RELN: variants seen among roughly 807,000 people sequenced by gnomAD.
RELN encodes reelin.
A neutral mutation model predicts 427.6 loss-of-function variants in RELN; 108 were observed. That is an observed-to-expected ratio of 0.25 (90% CI 0.22 to 0.30). The LOEUF is 0.30. Among genes scored for constraint, RELN ranks in the 10% least tolerant of loss-of-function variants. RELN has a pLI of 1.00. For synonymous variants in RELN, 1,524 were observed against 1,513.4 expected (o/e 1.01, Z -0.16); for missense variants, 3,715 against 4,302.8 (o/e 0.86, Z 3.82).
In RELN at chr7:103,874,590, G is replaced by A. The variant is rs1009936830; in HGVS notation, c.338-40918C>T. Among the ~76,000 whole-genome samples, 75 of 145,644 alleles carry A rather than the reference G, an allele frequency of 5.1e-4. 5 individuals carry two copies. Among genetic ancestry groups the A allele is most frequent in the Non-Finnish European group, 1.0e-3 (69 of 65,714 alleles). On this transcript the variant is annotated intron_variant, in intron 2 of 64. Transcript: ENST00000428762. The stretch of plus-strand genomic sequence containing the variant: ...AGACAAACAGAGAGCCAAATTATGA[G>A]TGAACTCCCATTCACAATTGCTTCA...
At chr7:103,914,312 T>C (rs542890381) in intron 2 of RELN, among the ~76,000 whole-genome samples, 2 of 152,038 alleles carry the variant, frequency 1.3e-5, no homozygotes, top group Non-Finnish European at 2.9e-5. Context: ...AACTGACAAA[T>C]GACAGTTTGT....
At chr7:103,677,445 AT>A (rs1833559806) in intron 11 of RELN, among the ~76,000 whole-genome samples, 3 of 146,268 alleles carry the variant, frequency 2.1e-5, no homozygotes, top group Admixed American at 6.9e-5. Flanking sequence ...AATAATAATA[AT>A]AATAATAAAA....
At chr7:103,774,522 G>T (rs995376395) in intron 4 of RELN, among the ~76,000 whole-genome samples, 12 of 152,198 alleles carry the variant, frequency 7.9e-5, no homozygotes, top group African/African-American at 2.2e-4. Flanking sequence ...CATACTGAGC[G>T]TGTTAAAATG....
chr7:103,721,537 A>G (rs1790077576), intron 8 of RELN, among the ~76,000 whole-genome samples: 3 of 152,182 alleles, frequency 2.0e-5, no homozygotes, highest in South Asian at 4.1e-4. Flanking sequence ...TACAAATGAA[A>G]GGCAAGGAAA....
Position 103,603,408 on chromosome 7 carries a change from T to C in RELN, c.3229A>G (p.Asn1077Asp). Residue 1077 changes from asparagine to aspartate, a missense_variant, in exon 24 of 65, where the codon AAT becomes GAT. Physicochemically the swap from Asn to Asp is conservative, Grantham distance 23. Coordinates refer to ENST00000428762, the MANE Select transcript of RELN (RefSeq NM_005045.4). This position sits in a 1 kb window ranked among gnomAD's most constrained non-coding sequence, Gnocchi z 4.3. ...STIMSDFENQ[N>D]GWESDWQEVI... is the part of the protein sequence containing the mutation. Reference sequence around the variant, plus strand: ...TCTTGCCAGTCAGACTCCCAGCCATTCTGGTTCTCAAAATCTGACATAATT... The same window carrying C: ...TCTTGCCAGTCAGACTCCCAGCCATCCTGGTTCTCAAAATCTGACATAATT... 6.2e-7 allele frequency: 1 copy of C among 1,613,844 alleles called. No individual in the cohort carries two copies. Among genetic ancestry groups the C allele is most frequent in the Non-Finnish European group, 8.5e-7 (1 of 1,179,822 alleles).
chr7:103,634,008 C>T lies in RELN; in HGVS notation c.2465+1417G>A, dbSNP rs1340245247. 2.0e-5 allele frequency among the ~76,000 whole-genome samples: 3 copies of T among 152,072 alleles called. No individual in the cohort carries two copies. In the East Asian group the frequency reaches 5.8e-4, roughly 29 times the overall value. ...TCTTAAAATTTTATAATGTATAACA[C>T]TTATAAGTTATAATAGATGTTAATC... On this transcript the variant is annotated intron_variant, in intron 19 of 64. Transcript: ENST00000428762.
intron 2 of RELN, among the ~76,000 whole-genome samples, chr7:103,841,404 G>T (rs1231089905): frequency 6.6e-6 from 1 of 152,102 alleles, no homozygotes; most frequent in Non-Finnish European, 1.5e-5. Flanking sequence ...CTTTGTCAAA[G>T]TTGTGGTTGA....
At chr7:103,816,462 G>T (rs1792871741) in intron 3 of RELN, among the ~76,000 whole-genome samples, 1 of 150,374 alleles carries the variant, frequency 6.7e-6, no homozygotes, top group African/African-American at 2.4e-5. Context: ...AAATCAATAT[G>T]CACACAGTAT....
intron 1 of RELN, among the ~76,000 whole-genome samples, chr7:103,923,656 C>T (rs74571231): frequency 0.03 from 4,533 of 152,184 alleles, 213 homozygotes; most frequent in African/African-American, 0.1. Context: ...TCCTACCTTA[C>T]CTATCTATTC....
intron 10 of RELN, among the ~76,000 whole-genome samples, chr7:103,682,709 A>G (rs1234819638): frequency 2.0e-5 from 3 of 152,220 alleles, no homozygotes; most frequent in African/African-American, 7.2e-5. Context: ...ATGGAATATG[A>G]GTAGAACAGC....
intron 54 of RELN, 47 bp downstream of exon 54, chr7:103,498,030 C>A: frequency 6.2e-7 from 1 of 1,605,688 alleles, no homozygotes; most frequent in Non-Finnish European, 8.5e-7. Flanking sequence ...GCTTTGGGAC[C>A]AATTTGCTAT....
At chr7:103,793,496 T>C (rs757157490) in intron 3 of RELN, among the ~76,000 whole-genome samples, 6 of 152,326 alleles carry the variant, frequency 3.9e-5, no homozygotes, top group Non-Finnish European at 8.8e-5. Context: ...CTGACTCTTC[T>C]CAGTGTTTCA....
chr7:103,478,867 A>G (rs1168888568), intron 63 of RELN, among the ~76,000 whole-genome samples: 1 of 152,206 alleles, frequency 6.6e-6, no homozygotes, highest in Non-Finnish European at 1.5e-5. Flanking sequence ...AACAAATGTA[A>G]TATGCTCATT....
chr7:103,599,559 G>C (rs1222889027), intron 24 of RELN, among the ~76,000 whole-genome samples: 1 of 152,106 alleles, frequency 6.6e-6, no homozygotes, highest in African/African-American at 2.4e-5. Flanking sequence ...ATTCTGCTTG[G>C]TATTGTGAGG....
chr7:103,931,394 C>A (rs1023921991), intron 1 of RELN, among the ~76,000 whole-genome samples: 3 of 152,132 alleles, frequency 2.0e-5, no homozygotes, highest in African/African-American at 7.2e-5. Context: ...TTTGAGTCTT[C>A]ATTCTTCCTC....
At chr7:103,473,032 G>T in intron 64 of RELN, 124 bp from the exon 65 acceptor site, 2 of 854,564 alleles carry the variant, frequency 2.3e-6, no homozygotes, top group Non-Finnish European at 2.0e-6. Context: ...AAATTTTCAG[G>T]GTTAATAGGT....
At chr7:103,583,615 C>T (rs778113006) in intron 28 of RELN, among the ~76,000 whole-genome samples, 7 of 152,070 alleles carry the variant, frequency 4.6e-5, no homozygotes, top group African/African-American at 1.7e-4. Flanking sequence ...CAAGGAAGAA[C>T]CAAAATTATG....
intron 50 of RELN, among the ~76,000 whole-genome samples, chr7:103,512,401 T>A (rs1420186524): frequency 2.0e-5 from 3 of 152,240 alleles, no homozygotes; most frequent in African/African-American, 7.2e-5. Flanking sequence ...TCTTAATATT[T>A]GATTATTTAT....
At chr7:103,735,904 C>A (rs2115979597) in intron 6 of RELN, among the ~76,000 whole-genome samples, 1 of 152,284 alleles carries the variant, frequency 6.6e-6, no homozygotes, top group East Asian at 1.9e-4. Flanking sequence ...ACCAGTATTT[C>A]TGAATGGAGA....
Sources: gnomAD v4.1 joint callset for allele counts (sites outside exome capture counted in the v4.1 genomes callset) on GRCh38, gnomAD v4.1.1 for gene constraint, Gnocchi (gnomAD v3.1) non-coding constraint, MANE v1.5 for transcripts, NCBI Gene and HGNC (gene_info 2026-07-23, HGNC 2026-07-21) for gene names.